Variants in PRXL2A observed in about 807,000 individuals in gnomAD.
The protein encoded by PRXL2A is peroxiredoxin-like 2A.
In PRXL2A, 26 loss-of-function variants were observed where a neutral mutation model predicts 25.6. The observed-to-expected ratio is 1.02, with a 90% CI of 0.74 to 1.41. PRXL2A has a LOEUF of 1.41. Among genes scored for constraint, PRXL2A ranks in the 40% most tolerant of loss-of-function variants. PRXL2A has a pLI of 0.00. For missense variants in PRXL2A, 246 were observed against 273.9 expected, an observed-to-expected ratio of 0.90 and a Z score of 0.72; for synonymous variants, 98 against 102.9, an observed-to-expected ratio of 0.95 and a Z score of 0.29.
intron 1 of PRXL2A, among the ~76,000 whole-genome samples, chr10:80,411,882 G>A (rs1241025554): frequency 6.6e-6 from 1 of 152,184 alleles, no homozygotes; most frequent in Non-Finnish European, 1.5e-5. Context: ...GCTGGGCTGG[G>A]CAGGTGTACC....
intron 5 of PRXL2A, among the ~76,000 whole-genome samples, chr10:80,428,080 C>T (rs375597754): frequency 3.9e-5 from 6 of 152,048 alleles, no homozygotes; most frequent in African/African-American, 1.2e-4. Flanking sequence ...TGCGGGGAGA[C>T]GATGCTTTTT....
chr10:80,411,424 G>T (rs58774893), intron 1 of PRXL2A, among the ~76,000 whole-genome samples: 2,376 of 152,272 alleles, frequency 0.016, 62 homozygotes, highest in African/African-American at 0.054. Context: ...AGACCTGCAG[G>T]GCCCCACTTC....
At chr10:80,424,678 C>A (rs1167165441) in intron 3 of PRXL2A, among the ~76,000 whole-genome samples, 2 of 152,078 alleles carry the variant, frequency 1.3e-5, no homozygotes, top group Non-Finnish European at 2.9e-5. Context: ...CCAGCCTGGC[C>A]AACATGGCCC....
In PRXL2A at chr10:80,432,319, G is replaced by C; in HGVS notation, c.*220G>C. ...CTGAAAAACTAATGAGGATTATTAA[G>C]CTAAAACCTGGGAAATAGGAGGCTT... On this transcript the variant is annotated 3_prime_UTR_variant, in exon 6 of 6. Transcript: ENST00000606162. 1 of 475,112 alleles carries C rather than the reference G, an allele frequency of 2.1e-6. No individual in the cohort carries two copies. The highest frequency in any genetic ancestry group is 3.6e-6 in the Non-Finnish European group (1 of 274,180). 29.4% of individuals were successfully genotyped at this position (475,112 alleles called of 1,614,324 possible).
At chr10:80,426,403 G>A (rs747133026) in intron 4 of PRXL2A, among the ~76,000 whole-genome samples, 1 of 152,196 alleles carries the variant, frequency 6.6e-6, no homozygotes, top group Non-Finnish European at 1.5e-5. Flanking sequence ...TTATTCAACT[G>A]TAGGTTAATA....
intron 2 of PRXL2A, 75 bp downstream of exon 2, chr10:80,420,720 T>G: frequency 5.3e-6 from 6 of 1,135,464 alleles, no homozygotes; most frequent in Non-Finnish European, 7.1e-6. Flanking sequence ...CTTTCTAAAC[T>G]CTCTCCTTTT....
chr10:80,428,256 A>C (rs1845120675), intron 5 of PRXL2A, among the ~76,000 whole-genome samples: 1 of 152,206 alleles, frequency 6.6e-6, no homozygotes, highest in Non-Finnish European at 1.5e-5. Context: ...AGAGCCAGGT[A>C]GGCAGTTGTT....
At chr10:80,418,228 T>C (rs573223168) in intron 1 of PRXL2A, among the ~76,000 whole-genome samples, 6 of 152,222 alleles carry the variant, frequency 3.9e-5, no homozygotes, top group African/African-American at 1.4e-4. Context: ...TGTCCATGTA[T>C]ACTATTGATT....
chr10:80,429,564 C>A (rs1845168847), intron 5 of PRXL2A, among the ~76,000 whole-genome samples: 1 of 136,206 alleles, frequency 7.3e-6, no homozygotes, highest in Non-Finnish European at 1.6e-5. Flanking sequence ...CTAGCCTCTC[C>A]TGCCCTGCCC....
rs1312618831 is a variant in PRXL2A at position 80,425,522 on chromosome 10, T to G, written c.271-344T>G. On this transcript the variant is annotated intron_variant, in intron 3 of 5. Transcript: ENST00000606162. ...TCAGGGTGGACTAGCCAGGGAGATC[T>G]TTTTAGAACGGGGATACCTTTCCAG... 2.6e-5 allele frequency among the ~76,000 whole-genome samples: 4 copies of G among 152,216 alleles called. No homozygotes were observed. The East Asian group carries it at 5.8e-4, about 22-fold the overall frequency.
rs1282226788 is a variant in PRXL2A, at chr10:80,436,779, C to T, written c.*4680C>T. 1 of 152,220 alleles carries T rather than the reference C, an allele frequency of 6.6e-6. No homozygotes were observed. The highest frequency in any genetic ancestry group is 1.5e-5 in the Non-Finnish European group (1 of 68,068). The allele number at this position is 152,220 out of a possible 1,614,324, so 9.4% of individuals were successfully genotyped here. On this transcript the variant is annotated 3_prime_UTR_variant, in exon 6 of 6. Coordinates refer to ENST00000606162, the MANE Select transcript of PRXL2A (RefSeq NM_032333.5). ...AAAATAGTCCTCTCACTCCCCATTC[C>T]CCTTTCTGTGTAAAAACTGGTTGGA... is the stretch of plus-strand genomic sequence containing the variant.
intron 5 of PRXL2A, among the ~76,000 whole-genome samples, chr10:80,429,539 T>TGCTCC (rs1845163765): frequency 1.3e-5 from 1 of 74,484 alleles, no homozygotes; most frequent in Admixed American, 1.4e-4. Flanking sequence ...GGCCCTGCCC[T>TGCTCC]GCCCCGCCCC....
Position 80,426,016 on chromosome 10 carries a change from A to T in PRXL2A, c.411+10A>T, listed in dbSNP as rs1845031640. ...CTTCCTGGATGAAAAGGTGTGTGTGATGGGAGGCTTTTAGACACAGACTGC... is the reference window on the plus strand; with the variant it reads ...CTTCCTGGATGAAAAGGTGTGTGTGTTGGGAGGCTTTTAGACACAGACTGC... On this transcript the variant is annotated intron_variant, in intron 4 of 5. Coordinates refer to ENST00000606162, the MANE Select transcript of PRXL2A (RefSeq NM_032333.5). 6.2e-7 allele frequency: 1 copy of T among 1,613,946 alleles called. No homozygotes were observed. The highest frequency in any genetic ancestry group is 1.7e-5 in the Admixed American group (1 of 60,000).
intron 1 of PRXL2A, chr10:80,419,987 T>C (rs1844804100): frequency 8.1e-6 from 8 of 985,446 alleles, no homozygotes; most frequent in Non-Finnish European, 9.6e-6. Context: ...AACAGTGCGG[T>C]TGGTGTTCTA....
At chr10:80,420,218 C>T in intron 1 of PRXL2A, 1 of 1,158,380 alleles carries the variant, frequency 8.6e-7, no homozygotes, top group Non-Finnish European at 1.1e-6. Flanking sequence ...GCTGTCCTTT[C>T]TCTGTCATCA....
chr10:80,409,757 G>A (rs1232358450), intron 1 of PRXL2A, among the ~76,000 whole-genome samples: 1 of 152,158 alleles, frequency 6.6e-6, no homozygotes, highest in Non-Finnish European at 1.5e-5. Context: ...TAGAAATGAA[G>A]AATTATACAT....
intron 4 of PRXL2A, 105 bp downstream of exon 4, chr10:80,426,111 C>T (rs1333596200): frequency 6.9e-7 from 1 of 1,444,372 alleles, no homozygotes; most frequent in Non-Finnish European, 9.5e-7. Flanking sequence ...GGAGGCTGGC[C>T]TTCCCTTCAG....
At chr10:80,417,403 C>T (rs1030519949) in intron 1 of PRXL2A, among the ~76,000 whole-genome samples, 5 of 152,098 alleles carry the variant, frequency 3.3e-5, no homozygotes, top group African/African-American at 9.7e-5. Flanking sequence ...CAACTCCTTG[C>T]GGAAGGGGGT....
At chr10:80,423,004 A>G (rs980966640) in intron 3 of PRXL2A, among the ~76,000 whole-genome samples, 4 of 152,168 alleles carry the variant, frequency 2.6e-5, no homozygotes, top group African/African-American at 7.2e-5. Flanking sequence ...GACAGCTGAG[A>G]GCCACATTCT....
Sources: allele counts gnomAD v4.1 joint callset (sites outside exome capture counted in the v4.1 genomes callset), GRCh38; gene constraint gnomAD v4.1.1; transcripts MANE v1.5; gene names NCBI Gene and HGNC (gene_info 2026-07-23, HGNC 2026-07-21).